KIFC3: variants seen among roughly 807,000 people sequenced by gnomAD.
KIFC3 encodes kinesin family member C3.
A neutral mutation model predicts 101.8 loss-of-function variants in KIFC3; 60 were observed. The observed-to-expected ratio is 0.59, with a 90% CI of 0.48 to 0.73. The LOEUF is 0.73. Ranked by LOEUF, KIFC3 falls within the 30% of genes least tolerant of loss-of-function variation. The probability of loss-of-function intolerance (pLI) is 0.00; values close to 1 mark genes in which losing one functional copy is unlikely to be tolerated. For missense variants in KIFC3, 966 were observed against 1,137.1 expected (o/e 0.85, Z 2.16); for synonymous variants, 476 against 482.7 (o/e 0.99, Z 0.18).
intron 1 of KIFC3, among the ~76,000 whole-genome samples, chr16:57,849,480 T>C (rs1265644180): frequency 6.6e-6 from 1 of 152,224 alleles, no homozygotes; most frequent in Non-Finnish European, 1.5e-5. Flanking sequence ...GGGTTCATAG[T>C]GGCACTTCTC....
At chr16:57,856,231 A>T (rs173513) in intron 1 of KIFC3, among the ~76,000 whole-genome samples, 138,540 of 151,928 alleles carry the variant, frequency 0.91, 63,163 homozygotes, top group Middle Eastern at 0.97. Flanking sequence ...CTGTAATCCC[A>T]GCACTTTGGG....
intron 12 of KIFC3, 148 bp from the exon 13 acceptor site, chr16:57,762,418 C>T: frequency 1.3e-6 from 1 of 794,080 alleles, no homozygotes; most frequent in Non-Finnish European, 1.9e-6. Context: ...CCCCAAAATG[C>T]CCTCCACCAG....
intron 1 of KIFC3, among the ~76,000 whole-genome samples, chr16:57,853,054 G>T (rs775410255): frequency 2.6e-5 from 4 of 152,006 alleles, no homozygotes; most frequent in Non-Finnish European, 5.9e-5. Context: ...AGGAAAAAAT[G>T]TTAAAACAAT....
At chr16:57,760,050 A>G (rs2049641379) in intron 17 of KIFC3, 2 of 617,380 alleles carry the variant, frequency 3.2e-6, no homozygotes, top group Non-Finnish European at 5.6e-6. Context: ...AGCATCTACT[A>G]TGTGCCACCC....
chr16:57,812,289 G>A (rs1361313767), intron 1 of KIFC3, among the ~76,000 whole-genome samples: 5 of 150,086 alleles, frequency 3.3e-5, no homozygotes, highest in South Asian at 4.2e-4. Flanking sequence ...TGATCTGCCC[G>A]CCTCAGCCTC....
chr16:57,834,968 G>A (rs1317056696), intron 1 of KIFC3, among the ~76,000 whole-genome samples: 1 of 152,250 alleles, frequency 6.6e-6, no homozygotes, highest in African/African-American at 2.4e-5. Context: ...CTGAGAAACA[G>A]AGGGAGATCC....
intron 1 of KIFC3, among the ~76,000 whole-genome samples, chr16:57,842,296 G>A (rs781591879): frequency 5.3e-5 from 8 of 152,196 alleles, no homozygotes; most frequent in Non-Finnish European, 1.2e-4. Flanking sequence ...AAGCTCCAGG[G>A]GGTCAGAAAT....
intron 3 of KIFC3, chr16:57,775,952 G>A: frequency 2.0e-6 from 2 of 985,540 alleles, no homozygotes; most frequent in Non-Finnish European, 2.4e-6. Flanking sequence ...TGCTCAAGGG[G>A]AAGAGGGAGC....
chr16:57,776,577 G>GTTTAATCCTCGAGAC, intron 3 of KIFC3: 1 of 222,428 alleles, frequency 4.5e-6, no homozygotes, highest in African/African-American at 2.3e-5. Flanking sequence ...AAGCTGTCTC[G>GTTTAATCCTCGAGAC]AGGATTAAAC....
At chr16:57,832,431 C>T (rs570816090) in intron 1 of KIFC3, among the ~76,000 whole-genome samples, 1 of 142,736 alleles carries the variant, frequency 7.0e-6, no homozygotes, top group South Asian at 2.3e-4. Flanking sequence ...TCAAGTGATT[C>T]TCCTGCCTGA....
In KIFC3 at chr16:57,758,624, C is replaced by G; in HGVS notation, c.*310G>C. The G allele has an allele frequency of 1.4e-6, 1 of 696,192 alleles. No homozygotes were observed. Among genetic ancestry groups the G allele is most frequent in the Non-Finnish European group, 2.6e-6 (1 of 381,408 alleles). 43.1% of individuals were successfully genotyped at this position (696,192 alleles called of 1,614,324 possible). ...GAGAGGCCCACCCTCCTCCACACTC[C>G]CGCCCTCCTCACGGGGCCCAGTTCG... On this transcript the variant is annotated 3_prime_UTR_variant, in exon 20 of 20. Coordinates refer to ENST00000445690, the MANE Select transcript of KIFC3 (RefSeq NM_001130100.2).
chr16:57,854,375 C>T (rs1183756683), intron 1 of KIFC3, among the ~76,000 whole-genome samples: 1 of 152,130 alleles, frequency 6.6e-6, no homozygotes, highest in Non-Finnish European at 1.5e-5. Context: ...TGCCTATAAT[C>T]CCAGCACTTT....
chr16:57,758,802 G>T lies in KIFC3; in HGVS notation c.*132C>A. ...GGGCAGAAGAAGAGCCTCCACTCTC[G>T]CCTCTACCTCCGGGGGTCCTGGCGC... On this transcript the variant is annotated 3_prime_UTR_variant, in exon 20 of 20. Coordinates refer to ENST00000445690, the MANE Select transcript of KIFC3 (RefSeq NM_001130100.2). 2 of 1,444,924 alleles carry T rather than the reference G, an allele frequency of 1.4e-6. No individual in the cohort carries two copies. The highest frequency in any genetic ancestry group is 1.9e-6 in the Non-Finnish European group (2 of 1,031,894). 89.5% of individuals were successfully genotyped at this position (1,444,924 alleles called of 1,614,324 possible).
At chr16:57,789,743 CTTTTCTTTTT>C (rs2053688264) in intron 3 of KIFC3, among the ~76,000 whole-genome samples, 2 of 151,946 alleles carry the variant, frequency 1.3e-5, no homozygotes, top group African/African-American at 4.8e-5. Context: ...GTTTTCTTTT[CTTTTCTTTTT>C]TTAAATAGAG....
At chr16:57,798,627 A>ACAG in intron 1 of KIFC3, 1 of 394,358 alleles carries the variant, frequency 2.5e-6, no homozygotes, top group East Asian at 5.8e-5. Flanking sequence ...AGTCAGCAGC[A>ACAG]TCTCCGTAAG....
intron 1 of KIFC3, among the ~76,000 whole-genome samples, chr16:57,834,847 G>A (rs2055653903): frequency 6.6e-6 from 1 of 152,168 alleles, no homozygotes; most frequent in South Asian, 2.1e-4. Context: ...TTGATTGAGT[G>A]TTACCTATTG....
chr16:57,775,827 A>G (rs1469599418), intron 3 of KIFC3: 9 of 985,490 alleles, frequency 9.1e-6, no homozygotes, highest in Non-Finnish European at 1.1e-5. Context: ...ATGGACGTCA[A>G]TCCAGGGCTG....
chr16:57,840,943 C>T (rs1330501792), intron 1 of KIFC3, among the ~76,000 whole-genome samples: 1 of 152,104 alleles, frequency 6.6e-6, no homozygotes, highest in Non-Finnish European at 1.5e-5. Context: ...TGTCCACACT[C>T]CGGCTTTCTG....
At chr16:57,835,302 G>A (rs1555480161) in intron 1 of KIFC3, among the ~76,000 whole-genome samples, 3 of 152,280 alleles carry the variant, frequency 2.0e-5, no homozygotes, top group African/African-American at 4.8e-5. Flanking sequence ...GATCACCAGG[G>A]AGAAAGAAAA....
Sources: gnomAD v4.1 joint callset for allele counts (sites outside exome capture counted in the v4.1 genomes callset) on GRCh38, gnomAD v4.1.1 for gene constraint, MANE v1.5 for transcripts, NCBI Gene and HGNC (gene_info 2026-07-23, HGNC 2026-07-21) for gene names.